LUC7L2: variants seen among roughly 807,000 people sequenced by gnomAD.
LUC7L2 encodes LUC7 like 2, pre-mRNA splicing factor, also known as putative RNA-binding protein Luc7-like 2.
LUC7L2 carries 25 observed loss-of-function variants against 52.8 expected under a neutral mutation model. The observed-to-expected ratio is 0.47, with a 90% CI of 0.34 to 0.66. The LOEUF (loss-of-function observed/expected upper bound fraction) is 0.66. Ranked by LOEUF, LUC7L2 falls within the 30% of genes least tolerant of loss-of-function variation. The probability of loss-of-function intolerance (pLI) is 0.01; values close to 1 mark genes in which losing one functional copy is unlikely to be tolerated. For synonymous variants in LUC7L2, 144 were observed against 160.9 expected (o/e 0.89, Z 0.80); for missense variants, 328 against 497.8 (o/e 0.66, Z 3.25).
intron 2 of LUC7L2, among the ~76,000 whole-genome samples, chr7:139,385,276 A>G (rs1428862343): frequency 2.1e-5 from 3 of 146,146 alleles, no homozygotes; most frequent in Non-Finnish European, 4.5e-5. Flanking sequence ...TTTGAAGGAC[A>G]TCTTCAAAAG....
chr7:139,380,757 A>T (rs1422469542), intron 2 of LUC7L2, among the ~76,000 whole-genome samples: 1 of 152,160 alleles, frequency 6.6e-6, no homozygotes, highest in Non-Finnish European at 1.5e-5. Flanking sequence ...AAACAAAAAA[A>T]CCTAAACCAA....
intron 9 of LUC7L2, among the ~76,000 whole-genome samples, chr7:139,418,745 A>ATGT (rs1408600420): frequency 6.6e-6 from 1 of 152,182 alleles, no homozygotes; most frequent in Admixed American, 6.5e-5. Context: ...TTAATTGTAT[A>ATGT]TGTTTTACTG....
chr7:139,355,546 C>G (rs1024082199), upstream of LUC7L2, among the ~76,000 whole-genome samples: 1 of 152,100 alleles, frequency 6.6e-6, no homozygotes, highest in Admixed American at 6.6e-5. Context: ...ATCAGGGAAC[C>G]AGGAACTATA....
intron 8 of LUC7L2, chr7:139,416,892 C>G (rs541436637): frequency 6.6e-5 from 10 of 152,264 alleles, no homozygotes; most frequent in South Asian, 4.1e-4. Context: ...CAAAAATGTT[C>G]AAGATATTTA....
chr7:139,369,962 A>T (rs1305833133), intron 1 of LUC7L2, among the ~76,000 whole-genome samples: 1 of 152,224 alleles, frequency 6.6e-6, no homozygotes, highest in Non-Finnish European at 1.5e-5. Context: ...ATTAGGAACG[A>T]CTTGATGTCA....
At chr7:139,347,121 A>G (rs1268746942) in intron 1 of LUC7L2, among the ~76,000 whole-genome samples, 2 of 151,978 alleles carry the variant, frequency 1.3e-5, no homozygotes, top group Admixed American at 6.6e-5. Context: ...TTTATGGTAT[A>G]TGTCAGTTTC....
At chr7:139,389,456 C>G (rs1188615098) in intron 2 of LUC7L2, among the ~76,000 whole-genome samples, 1 of 151,900 alleles carries the variant, frequency 6.6e-6, no homozygotes, top group Non-Finnish European at 1.5e-5. Context: ...CTTTATTTTC[C>G]CGATAGGAAA....
chr7:139,394,842 A>G (rs1794591654), intron 2 of LUC7L2, among the ~76,000 whole-genome samples: 1 of 152,218 alleles, frequency 6.6e-6, no homozygotes. Context: ...AGATTTTCTG[A>G]TAAGCACCCT....
At chr7:139,416,391 T>C (rs1585136789) in intron 8 of LUC7L2, 2 of 152,220 alleles carry the variant, frequency 1.3e-5, no homozygotes, top group South Asian at 2.1e-4. Flanking sequence ...CTTGATCGTA[T>C]ATTTTCTGGT....
At chr7:139,399,912 CAT>C (rs1554395104) in intron 3 of LUC7L2, among the ~76,000 whole-genome samples, 2 of 148,666 alleles carry the variant, frequency 1.3e-5, no homozygotes, top group South Asian at 4.2e-4. Context: ...AGTTTTTTTG[CAT>C]ATATATAATC....
chr7:139,417,148 C>G (rs567611511), intron 8 of LUC7L2: 2 of 166,414 alleles, frequency 1.2e-5, no homozygotes, highest in Admixed American at 5.7e-5. Flanking sequence ...TCAAGAGATT[C>G]TCTCACCTCA....
chr7:139,400,959 A>G (rs1248669338), intron 3 of LUC7L2, among the ~76,000 whole-genome samples: 2 of 152,230 alleles, frequency 1.3e-5, no homozygotes, highest in Non-Finnish European at 2.9e-5. Context: ...TGTGTGCTGA[A>G]TAAATTTGTA....
rs1239264634 is a variant in LUC7L2 at position 139,423,133 on chromosome 7, A to G, written c.*793A>G. 7 of 398,916 alleles carry G rather than the reference A, an allele frequency of 1.8e-5. No homozygotes were observed. The highest frequency in any genetic ancestry group is 2.7e-5 in the Non-Finnish European group (6 of 226,044). 24.7% of individuals were successfully genotyped at this position (398,916 alleles called of 1,614,324 possible). A position where few individuals can be genotyped will look rare whatever the true frequency, so the allele number is the denominator to read the frequency against. ...CTTATTGTAAAAAAATAATAATAATAAAATGAAAGAAACAATCACCACCAC... is the reference window on the plus strand; with the variant it reads ...CTTATTGTAAAAAAATAATAATAATGAAATGAAAGAAACAATCACCACCAC... On this transcript the variant is annotated 3_prime_UTR_variant, in exon 10 of 10. Coordinates refer to ENST00000354926, the MANE Select transcript of LUC7L2 (RefSeq NM_016019.5).
chr7:139,376,671 G>A (rs1475746820), intron 2 of LUC7L2, among the ~76,000 whole-genome samples: 1 of 152,148 alleles, frequency 6.6e-6, no homozygotes, highest in Non-Finnish European at 1.5e-5. Context: ...CTGCAGAGAT[G>A]TTGATCTTAG....
At position 139,423,231 on chromosome 7, in the gene LUC7L2, T is replaced by TA. The variant is rs1215620552; in HGVS notation, c.*892dup. The TA allele has an allele frequency of 1.3e-5, 5 of 398,940 alleles. No homozygotes were observed. In the Admixed American group the frequency reaches 1.3e-4, roughly 11 times the overall value. The allele number at this position is 398,940 out of a possible 1,614,324, so 24.7% of individuals were successfully genotyped here. A position where few individuals can be genotyped will look rare whatever the true frequency, so the allele number is the denominator to read the frequency against. On this transcript the variant is annotated 3_prime_UTR_variant, in exon 10 of 10. Coordinates refer to ENST00000354926, the MANE Select transcript of LUC7L2 (RefSeq NM_016019.5). ...GCTGTGGGCATTTCCTCTATTCTGT[T>TA]ACGTCATTAACAGTGCCTTACTGTG...
intron 9 of LUC7L2, among the ~76,000 whole-genome samples, chr7:139,419,431 T>C (rs2116344797): frequency 6.6e-6 from 1 of 152,366 alleles, no homozygotes; most frequent in South Asian, 2.1e-4. Context: ...TTTGTAGGCC[T>C]CTTATCTCAC....
At chr7:139,374,494 G>A in intron 1 of LUC7L2, 2 of 1,550,508 alleles carry the variant, frequency 1.3e-6, no homozygotes, top group Non-Finnish European at 1.7e-6. Flanking sequence ...TAACTTTTCA[G>A]ATGTGTTAAT....
chr7:139,355,510 A>G (rs1799581660), upstream of LUC7L2, among the ~76,000 whole-genome samples: 2 of 152,214 alleles, frequency 1.3e-5, no homozygotes, highest in African/African-American at 4.8e-5. Flanking sequence ...ACTAAGGTCA[A>G]AGAAGCAGCC....
chr7:139,407,170 T>G lies in LUC7L2; in HGVS notation c.511-4T>G. On this transcript the variant is annotated splice_region_variant and splice_polypyrimidine_tract_variant and intron_variant, in intron 5 of 9. Transcript: ENST00000354926. ...TGGTCATTGTTTTTCTCACTTTTGT[T>G]TAGGAAGTTTATCGGAATTCTATGC... 6.2e-7 allele frequency: 1 copy of G among 1,605,846 alleles called. No individual in the cohort carries two copies. The highest frequency in any genetic ancestry group is 8.5e-7 in the Non-Finnish European group (1 of 1,175,864).
Sources: gnomAD v4.1 joint callset for allele counts (sites outside exome capture counted in the v4.1 genomes callset) on GRCh38, gnomAD v4.1.1 for gene constraint, MANE v1.5 for transcripts, NCBI Gene and HGNC (gene_info 2026-07-23, HGNC 2026-07-21) for gene names.